Variants in KCNH1 observed in about 807,000 individuals in gnomAD.
KCNH1 encodes voltage-gated delayed rectifier potassium channel KCNH1.
KCNH1 carries 27 observed loss-of-function variants against 69.2 expected under a neutral mutation model. That is an observed-to-expected ratio of 0.39 (90% CI 0.29 to 0.54). The LOEUF is 0.54. Ranked by LOEUF, KCNH1 falls within the 20% of genes least tolerant of loss-of-function variation. The pLI is 0.68. For missense variants in KCNH1, 798 were observed against 1,261.6 expected (o/e 0.63, Z 5.57); for synonymous variants, 456 against 487.7 (o/e 0.93, Z 0.86).
intron 10 of KCNH1, among the ~76,000 whole-genome samples, chr1:210,724,179 C>G (rs1023995048): frequency 6.6e-5 from 10 of 152,194 alleles, no homozygotes; most frequent in Admixed American, 2.6e-4. Context: ...AGTCCAGTAA[C>G]TTTTCCAAAG....
At chr1:210,862,132 G>A in intron 7 of KCNH1, 1 of 1,309,666 alleles carries the variant, frequency 7.6e-7, no homozygotes, top group Non-Finnish European at 1.1e-6. Context: ...CTGTCTCACA[G>A]GTAAATCCAG....
rs372532077 is a variant in KCNH1 at position 210,683,763 on chromosome 1, C to T, written c.2488G>A (p.Asp830Asn). Residue 830 changes from aspartate to asparagine, a missense_variant, in exon 11 of 11, where the codon GAT becomes AAT. Physicochemically the swap from Asp to Asn is conservative, Grantham distance 23 (BLOSUM62 1). This residue lies in a region of KCNH1 where 331 missense variants were observed against 363.2 expected (regional missense o/e 0.91). Coordinates refer to ENST00000271751, the MANE Select transcript of KCNH1 (RefSeq NM_172362.3). This position sits in a 1 kb window ranked among gnomAD's most constrained non-coding sequence, Gnocchi z 5.7. ...GCCCAGCTTTTGCGCTTGGCACAAT[C>T]GCCCCCGCCCCCCTTGGGGCCCAGG... is the stretch of plus-strand genomic sequence containing the variant. ...ECLGPKGGGGDCAKRKSWARF... is the reference protein window; with the variant it reads ...ECLGPKGGGGNCAKRKSWARF... 1.4e-5 allele frequency: 23 copies of T among 1,613,826 alleles called. No individual in the cohort carries two copies. The highest frequency in any genetic ancestry group is 4.0e-5 in the African/African-American group (3 of 74,942).
In KCNH1 at chr1:210,683,736, G is replaced by A. The variant is rs1681333370; in HGVS notation, c.2515C>T (p.Arg839Cys). The change falls in exon 11 of 11, where the codon CGC becomes TGC. Residue 839 changes from arginine (R) to cysteine (C), a missense_variant. Transcript: ENST00000271751. This position sits in a 1 kb window ranked among gnomAD's most constrained non-coding sequence, Gnocchi z 5.7. Reference protein sequence around the residue: ...GDCAKRKSWARFKDACGKSED... With the variant: ...GDCAKRKSWACFKDACGKSED... ...CTCTTCCCGCAAGCATCTTTGAAGC[G>A]GGCCCAGCTTTTGCGCTTGGCACAA... 6.2e-7 allele frequency: 1 copy of A among 1,614,136 alleles called. No individual in the cohort carries two copies. Among genetic ancestry groups the A allele is most frequent in the Non-Finnish European group, 8.5e-7 (1 of 1,180,044 alleles).
chr1:210,752,574 T>G (rs1683305750), intron 10 of KCNH1, among the ~76,000 whole-genome samples: 1 of 152,162 alleles, frequency 6.6e-6, no homozygotes, highest in South Asian at 2.1e-4. Flanking sequence ...ATAAGAATAT[T>G]TTCTGCATAA....
At chr1:211,075,875 C>A (rs1252960802) in intron 5 of KCNH1, among the ~76,000 whole-genome samples, 1 of 152,226 alleles carries the variant, frequency 6.6e-6, no homozygotes, top group African/African-American at 2.4e-5. Context: ...GATACTCCCA[C>A]CCAAATACTG....
At chr1:211,065,051 C>T (rs144840457) in intron 5 of KCNH1, among the ~76,000 whole-genome samples, 1 of 152,264 alleles carries the variant, frequency 6.6e-6, no homozygotes, top group African/African-American at 2.4e-5. Flanking sequence ...TAAATTACTA[C>T]AGCCCTTATG....
At chr1:210,845,449 A>T (rs1325417750) in intron 7 of KCNH1, among the ~76,000 whole-genome samples, 1,450 of 114,764 alleles carry the variant, frequency 0.013, no homozygotes, top group South Asian at 0.019. Context: ...AATGTAATCC[A>T]GCATATAAAC....
At chr1:210,961,034 A>G (rs1688282830) in intron 6 of KCNH1, among the ~76,000 whole-genome samples, 1 of 152,162 alleles carries the variant, frequency 6.6e-6, no homozygotes, top group East Asian at 1.9e-4. Flanking sequence ...TATACAATGC[A>G]GTTATAATAG....
chr1:211,014,316 T>C (rs558495944), intron 6 of KCNH1, among the ~76,000 whole-genome samples: 1 of 152,348 alleles, frequency 6.6e-6, no homozygotes, highest in Admixed American at 6.5e-5. Flanking sequence ...TGCTTTGACA[T>C]ACCCGTTCTA....
intron 6 of KCNH1, among the ~76,000 whole-genome samples, chr1:210,937,714 T>C (rs1280891649): frequency 6.6e-6 from 1 of 152,202 alleles, no homozygotes; most frequent in Admixed American, 6.5e-5. Context: ...CCAAATGTTT[T>C]CCTGGTCTTT....
intron 6 of KCNH1, among the ~76,000 whole-genome samples, chr1:210,977,477 A>G (rs550553436): frequency 1.6e-4 from 24 of 151,734 alleles, no homozygotes; most frequent in Admixed American, 1.6e-3. Context: ...TTTGTCCAAC[A>G]GTACCCCCAT....
At chr1:210,909,806 C>A (rs1022022212) in intron 7 of KCNH1, among the ~76,000 whole-genome samples, 2 of 152,168 alleles carry the variant, frequency 1.3e-5, no homozygotes, top group Admixed American at 6.5e-5. Context: ...CAAAGAGGGG[C>A]TGTCCAGGAG....
chr1:210,849,625 C>A (rs1685639963), intron 7 of KCNH1, among the ~76,000 whole-genome samples: 1 of 152,086 alleles, frequency 6.6e-6, no homozygotes, highest in Admixed American at 6.6e-5. Context: ...CTCAGCCTCC[C>A]AAAGTGCTGG....
At chr1:210,803,184 C>G (rs1308008343) in intron 8 of KCNH1, among the ~76,000 whole-genome samples, 3 of 152,112 alleles carry the variant, frequency 2.0e-5, no homozygotes, top group Non-Finnish European at 2.9e-5. Context: ...CTCGCTGCAG[C>G]CTCTGCCTCC....
intron 2 of KCNH1, among the ~76,000 whole-genome samples, chr1:211,105,400 A>G (rs1377111473): frequency 6.6e-6 from 1 of 152,222 alleles, no homozygotes; most frequent in African/African-American, 2.4e-5. Flanking sequence ...AATTATACCT[A>G]GTTTTCATTC....
In KCNH1 at chr1:210,924,985, G is replaced by A. The variant is rs541284416; in HGVS notation, c.1033-4916C>T. Among the ~76,000 whole-genome samples the A allele has an allele frequency of 2.0e-5, 3 of 151,664 alleles. No individual in the cohort carries two copies. In the South Asian group the frequency reaches 6.3e-4, roughly 32 times the overall value. On this transcript the variant is annotated intron_variant, in intron 6 of 10. Coordinates refer to ENST00000271751, the MANE Select transcript of KCNH1 (RefSeq NM_172362.3). ...AGTACCCTACCCAACTGATGCTATA[G>A]GACATACTTACAGAAAAGAGTCTTT...
chr1:210,796,196 A>G (rs998135155), intron 9 of KCNH1, among the ~76,000 whole-genome samples: 12 of 151,992 alleles, frequency 7.9e-5, no homozygotes, highest in African/African-American at 2.9e-4. Context: ...AGTATTACAA[A>G]ATGGATTGAA....
chr1:210,806,825 AAAAAAAAAAAAAT>A (rs1430391977), intron 7 of KCNH1, among the ~76,000 whole-genome samples: 1 of 60,038 alleles, frequency 1.7e-5, no homozygotes, highest in Non-Finnish European at 3.3e-5. Context: ...AAAAAAAAAA[AAAAAAAAAAAAAT>A]ATATATATAT....
intron 5 of KCNH1, among the ~76,000 whole-genome samples, chr1:211,032,825 G>T (rs556727023): frequency 6.6e-6 from 1 of 152,110 alleles, no homozygotes; most frequent in Admixed American, 6.5e-5. Context: ...GAAAACCTAG[G>T]CAATACCATT....
Sources: gnomAD v4.1 joint callset for allele counts (sites outside exome capture counted in the v4.1 genomes callset) on GRCh38, gnomAD v4.1.1 for gene constraint, gnomAD v4.1.1 regional missense constraint, Gnocchi (gnomAD v3.1) non-coding constraint, MANE v1.5 for transcripts, NCBI Gene and HGNC (gene_info 2026-07-23, HGNC 2026-07-21) for gene names.